Variants in PARP4 observed in about 807,000 individuals in gnomAD.
The protein encoded by PARP4 is poly(ADP-ribose) polymerase family member 4, also known as protein mono-ADP-ribosyltransferase PARP4.
Under a neutral mutation model 187.7 loss-of-function variants are expected in PARP4, and 120 were observed. The observed-to-expected ratio is 0.64, with a 90% CI of 0.55 to 0.74. The LOEUF is 0.74. PARP4 is among the 30% of genes least tolerant of loss of function. PARP4 has a pLI of 0.00. For missense variants in PARP4, 1,836 were observed against 2,070.5 expected (o/e 0.89, Z 2.20); for synonymous variants, 654 against 740.9 (o/e 0.88, Z 1.90).
chr13:24,494,285 T>C (rs1868821127), intron 7 of PARP4, among the ~76,000 whole-genome samples: 1 of 152,228 alleles, frequency 6.6e-6, no homozygotes, highest in African/African-American at 2.4e-5. Flanking sequence ...AACCTCGAAC[T>C]GCTGAATTCA....
chr13:24,435,482 G>C lies in PARP4; in HGVS notation c.3667-8C>G, dbSNP rs1255256532. The C allele has an allele frequency of 1.3e-6, 2 of 1,563,114 alleles. No homozygotes were observed. Among genetic ancestry groups the C allele is most frequent in the Non-Finnish European group, 1.7e-6 (2 of 1,163,834 alleles). ...AGAGGATGCTAAAAGAGACTGCCCAGAAGACAGAATTATTAACGTAAGGGG... is the reference window on the plus strand; with the variant it reads ...AGAGGATGCTAAAAGAGACTGCCCACAAGACAGAATTATTAACGTAAGGGG... On this transcript the variant is annotated splice_polypyrimidine_tract_variant and splice_region_variant and intron_variant, in intron 30 of 33. Coordinates refer to ENST00000381989, the MANE Select transcript of PARP4 (RefSeq NM_006437.4).
chr13:24,439,478 C>T (rs1338656333), intron 30 of PARP4, among the ~76,000 whole-genome samples: 1 of 136,394 alleles, frequency 7.3e-6, no homozygotes, highest in African/African-American at 2.8e-5. Context: ...CAGACCTTTT[C>T]TGTGAACAAA....
intron 33 of PARP4, among the ~76,000 whole-genome samples, chr13:24,423,526 G>A (rs1869856652): frequency 1.2e-5 from 1 of 84,630 alleles, no homozygotes; most frequent in Admixed American, 1.1e-4. Context: ...ACGAGATCTG[G>A]CCTCAAAAAA....
intron 28 of PARP4, 118 bp from the exon 29 acceptor site, chr13:24,442,803 G>A (rs879299592): frequency 3.5e-5 from 21 of 592,212 alleles, no homozygotes; most frequent in Non-Finnish European, 5.3e-5. Flanking sequence ...CATCTAAATC[G>A]GTGGCTCAAT....
At chr13:24,490,986 C>T (rs1593644184) in intron 9 of PARP4, among the ~76,000 whole-genome samples, 158 bp from the exon 10 acceptor site, 2 of 152,132 alleles carry the variant, frequency 1.3e-5, no homozygotes, top group African/African-American at 2.4e-5. Context: ...CTCTCACCCA[C>T]GCTGGAGTGT....
intron 5 of PARP4, among the ~76,000 whole-genome samples, 181 bp downstream of exon 5, chr13:24,499,120 C>T (rs1257654684): frequency 1.3e-4 from 20 of 152,034 alleles, no homozygotes; most frequent in Admixed American, 1.3e-3. Flanking sequence ...TAGTGAGATT[C>T]TGTCTCCACA....
rs187935411 is a variant in PARP4, at chr13:24,438,010, G to A, written c.3667-2536C>T. ...TGATCTCAGGTGATCCACCCACCTT[G>A]GCCTCCCAAAGTGTGGGGATTACAG... On this transcript the variant is annotated intron_variant, in intron 30 of 33. Coordinates refer to ENST00000381989, the MANE Select transcript of PARP4 (RefSeq NM_006437.4). Among the ~76,000 whole-genome samples, 122 of 152,266 alleles carry A rather than the reference G, an allele frequency of 8.0e-4. 1 individual carries two copies. In the South Asian group the frequency reaches 0.012, roughly 15 times the overall value.
intron 17 of PARP4, among the ~76,000 whole-genome samples, chr13:24,466,588 G>A (rs778997723): frequency 6.6e-6 from 1 of 151,790 alleles, no homozygotes; most frequent in East Asian, 1.9e-4. Context: ...TGAGGTTAGC[G>A]GTTTGAGACC....
intron 9 of PARP4, among the ~76,000 whole-genome samples, chr13:24,491,577 T>C (rs2137531156): frequency 6.6e-6 from 1 of 152,346 alleles, no homozygotes; most frequent in South Asian, 2.1e-4. Context: ...AAATTTCACA[T>C]CTATAAACTC....
At chr13:24,472,225 G>T (rs955818185) in intron 15 of PARP4, among the ~76,000 whole-genome samples, 5 of 152,174 alleles carry the variant, frequency 3.3e-5, no homozygotes, top group Admixed American at 6.5e-5. Flanking sequence ...TCGGCTGAGG[G>T]CCTGACTCTT....
At chr13:24,456,055 A>G (rs1305484293) in intron 21 of PARP4, among the ~76,000 whole-genome samples, 1 of 152,224 alleles carries the variant, frequency 6.6e-6, no homozygotes, top group Non-Finnish European at 1.5e-5. Flanking sequence ...AACAAGTTAT[A>G]GAGAATACCC....
intron 25 of PARP4, among the ~76,000 whole-genome samples, chr13:24,448,354 G>C (rs1051667289): frequency 5.3e-5 from 8 of 152,016 alleles, no homozygotes; most frequent in Non-Finnish European, 1.0e-4. Context: ...GCTGTGGTGA[G>C]CTATGATTGT....
chr13:24,490,445 T>A (rs145412490), intron 10 of PARP4, among the ~76,000 whole-genome samples: 206 of 152,290 alleles, frequency 1.4e-3, no homozygotes, highest in African/African-American at 4.8e-3. Flanking sequence ...TCAACAAGAT[T>A]AGGTAACCTT....
At chr13:24,454,902 A>C in intron 22 of PARP4, 115 bp downstream of exon 22, 1 of 754,174 alleles carries the variant, frequency 1.3e-6, no homozygotes. Context: ...TCAATTTCAT[A>C]CTAGGCTGCC....
chr13:24,507,156 C>G (rs531829219), intron 1 of PARP4, among the ~76,000 whole-genome samples: 5 of 152,210 alleles, frequency 3.3e-5, no homozygotes, highest in East Asian at 1.9e-4. Flanking sequence ...CCGCAAGCGC[C>G]GCGCACAGCC....
chr13:24,453,128 G>GT (rs1156598440), intron 23 of PARP4, among the ~76,000 whole-genome samples: 10 of 152,038 alleles, frequency 6.6e-5, no homozygotes, highest in Non-Finnish European at 1.2e-4. Context: ...TAGAGATGGG[G>GT]TTTCACCATG....
intron 12 of PARP4, among the ~76,000 whole-genome samples, chr13:24,479,628 T>C (rs1460065578): frequency 1.3e-5 from 2 of 151,780 alleles, no homozygotes; most frequent in East Asian, 1.9e-4. Flanking sequence ...GGTGGGGAGG[T>C]GGAGAACCTT....
At chr13:24,496,945 C>T (rs1287384826) in intron 6 of PARP4, among the ~76,000 whole-genome samples, 1 of 152,126 alleles carries the variant, frequency 6.6e-6, no homozygotes, top group Admixed American at 6.5e-5. Flanking sequence ...ATCGCTTGAA[C>T]CTGGGAGGCA....
chr13:24,486,687 C>T (rs1459527521), intron 10 of PARP4, among the ~76,000 whole-genome samples: 7 of 152,190 alleles, frequency 4.6e-5, no homozygotes, highest in Non-Finnish European at 8.8e-5. Context: ...CGCAATGGCT[C>T]AGGCCTGTAA....
Sources: gnomAD v4.1 joint callset for allele counts (sites outside exome capture counted in the v4.1 genomes callset) on GRCh38, gnomAD v4.1.1 for gene constraint, MANE v1.5 for transcripts, NCBI Gene and HGNC (gene_info 2026-07-23, HGNC 2026-07-21) for gene names.